PTPRH: variants seen among roughly 807,000 people sequenced by gnomAD.
The protein encoded by PTPRH is receptor-type tyrosine-protein phosphatase H.
Under a neutral mutation model 130.2 loss-of-function variants are expected in PTPRH, and 113 were observed. The ratio of observed to expected loss-of-function variants is 0.87; its 90% CI spans 0.75 to 1.01. PTPRH has a LOEUF of 1.01. PTPRH is among the 50% of genes least tolerant of loss of function. The pLI is 0.00. For missense variants in PTPRH, 1,430 were observed against 1,425.0 expected (o/e 1.00, Z -0.06); for synonymous variants, 556 against 577.9 (o/e 0.96, Z 0.54).
chr19:55,207,415 G>A (rs1339272498), intron 1 of PTPRH: 1 of 558,480 alleles, frequency 1.8e-6, no homozygotes, highest in Non-Finnish European at 3.2e-6. Flanking sequence ...TAGGGAGCTG[G>A]GGTTGGCTCC....
At position 55,204,011 on chromosome 19, in the gene PTPRH, C is replaced by G. The variant is rs764924895; in HGVS notation, c.657G>C (p.Gln219His). ...AGCTCAGGGAGATGGAGCTGGTGGT[C>G]TGAGCCTCCACTCTCAGGTTCCTCA... ...NPVRNLRVEAQTTSSISLSWE... is the reference protein window; with the variant it reads ...NPVRNLRVEAHTTSSISLSWE... Residue 219 changes from glutamine (Q) to histidine (H), a missense_variant, in exon 5 of 20, where the codon CAG (glutamine) becomes CAC (histidine). Coordinates refer to ENST00000376350, the MANE Select transcript of PTPRH (RefSeq NM_002842.5). The G allele has an allele frequency of 6.2e-7, 1 of 1,614,004 alleles. No homozygotes were observed. The highest frequency in any genetic ancestry group is 1.7e-5 in the Admixed American group (1 of 59,998).
chr19:55,196,043 A>T (rs1171811073), intron 10 of PTPRH, among the ~76,000 whole-genome samples: 1 of 152,064 alleles, frequency 6.6e-6, no homozygotes, highest in Non-Finnish European at 1.5e-5. Flanking sequence ...GATAGTGATG[A>T]TGGTTGCACA....
chr19:55,186,872 C>T (rs951599200), intron 14 of PTPRH, among the ~76,000 whole-genome samples: 14 of 151,914 alleles, frequency 9.2e-5, no homozygotes, highest in African/African-American at 2.9e-4. Context: ...TGGTGAAACC[C>T]GGTCGCCATT....
intron 14 of PTPRH, 78 bp downstream of exon 14, chr19:55,187,435 C>T (rs1407917812): frequency 2.0e-5 from 21 of 1,076,744 alleles, no homozygotes; most frequent in South Asian, 1.1e-4. Context: ...TTTCTCAAAG[C>T]GGGTAGGAGA....
At position 55,198,835 on chromosome 19, in the gene PTPRH, C is replaced by T. The variant is rs762250943; in HGVS notation, c.1498G>A (p.Gly500Ser). Residue 500 changes from glycine to serine, a missense_variant, in exon 8 of 20, where the codon GGC becomes AGC. Coordinates refer to ENST00000376350, the MANE Select transcript of PTPRH (RefSeq NM_002842.5). ...TIALRWTAPQGPGQSSYSYWV... is the reference protein window; with the variant it reads ...TIALRWTAPQSPGQSSYSYWV... The stretch of plus-strand genomic sequence containing the variant: ...TAGCTGTAGGAAGACTGGCCTGGGC[C>T]CTGGGGAGCTGTCCAGCGCAAAGCA... 45 of 1,601,962 alleles carry T rather than the reference C, an allele frequency of 2.8e-5. No homozygotes were observed. The South Asian group carries it at 4.8e-4, about 17-fold the overall frequency.
chr19:55,202,638 C>T (rs1800910929), intron 5 of PTPRH, among the ~76,000 whole-genome samples: 1 of 151,778 alleles, frequency 6.6e-6, no homozygotes, highest in African/African-American at 2.4e-5. Context: ...CATATATATA[C>T]ACACACATAT....
At chr19:55,201,277 T>A (rs1480568448) in intron 6 of PTPRH, among the ~76,000 whole-genome samples, 1 of 152,080 alleles carries the variant, frequency 6.6e-6, no homozygotes, top group Non-Finnish European at 1.5e-5. Context: ...CTTGGGAGGC[T>A]GAGGTCGGCG....
chr19:55,199,919 G>A (rs1266932732), intron 7 of PTPRH, among the ~76,000 whole-genome samples: 1 of 147,840 alleles, frequency 6.8e-6, no homozygotes, highest in Non-Finnish European at 1.5e-5. Flanking sequence ...AAGAAAGAAA[G>A]GAAAGAGAGA....
rs767066096 is a variant in PTPRH at position 55,200,247 on chromosome 19, C to T, written c.1409G>A (p.Ser470Asn). Residue 470 changes from serine to asparagine, a missense_variant, in exon 7 of 20, where the codon AGC becomes AAC. Coordinates refer to ENST00000376350, the MANE Select transcript of PTPRH (RefSeq NM_002842.5). ...TTGAGGGTTCCTACCTGTGGAGATG[C>T]TGACATTCTGCCTGGAGCCACGTGC... ...NGARGSRQNV[S>N]ISTVPNAVTS... 6 of 1,614,110 alleles carry T rather than the reference C, an allele frequency of 3.7e-6. No homozygotes were observed. Among genetic ancestry groups the T allele is most frequent in the South Asian group, 1.1e-5 (1 of 91,096 alleles).
intron 14 of PTPRH, among the ~76,000 whole-genome samples, chr19:55,187,299 C>T (rs1385889293): frequency 2.7e-4 from 32 of 119,206 alleles, no homozygotes; most frequent in South Asian, 2.6e-3. Flanking sequence ...GAGCCGAGAT[C>T]GCGCCACTGC....
Position 55,197,326 on chromosome 19 carries a change from TGA to T in PTPRH, c.1779_1780del (p.Gln594ValfsTer33). 6.2e-7 allele frequency: 1 copy of T among 1,614,240 alleles called. No homozygotes were observed. Among genetic ancestry groups the T allele is most frequent in the Non-Finnish European group, 8.5e-7 (1 of 1,180,034 alleles). ...CCACTGGACCCAGTATACGTACAACTGAGAGTGGGGGTCTCCAGGGGCCTTCC... is the reference window on the plus strand; with the variant it reads ...CCACTGGACCCAGTATACGTACAACTGAGTGGGGGTCTCCAGGGGCCTTCC... On this transcript the variant is annotated frameshift_variant, in exon 9 of 20. Transcript: ENST00000376350. LOFTEE classifies it high-confidence loss of function.
At chr19:55,202,537 C>A (rs1027104210) in intron 5 of PTPRH, among the ~76,000 whole-genome samples, 2 of 151,940 alleles carry the variant, frequency 1.3e-5, no homozygotes, top group African/African-American at 4.8e-5. Flanking sequence ...CACCGGCTTT[C>A]GAAGAGTTCG....
intron 3 of PTPRH, among the ~76,000 whole-genome samples, chr19:55,206,365 C>T (rs1225659117): frequency 2.0e-5 from 3 of 150,488 alleles, no homozygotes; most frequent in Non-Finnish European, 3.0e-5. Flanking sequence ...TCTCTGTTGC[C>T]CAGGCTGGAG....
At chr19:55,186,859 A>G (rs1447126725) in intron 14 of PTPRH, among the ~76,000 whole-genome samples, 1 of 152,036 alleles carries the variant, frequency 6.6e-6, no homozygotes, top group East Asian at 1.9e-4. Flanking sequence ...AGCCTGGCCA[A>G]CATGGTGAAA....
chr19:55,187,172 T>C (rs192446561), intron 14 of PTPRH, among the ~76,000 whole-genome samples: 2,834 of 148,620 alleles, frequency 0.019, 54 homozygotes, highest in African/African-American at 0.047. Flanking sequence ...GGTGAAACCC[T>C]GTCTCTACCA....
chr19:55,202,755 T>A (rs952746593), intron 5 of PTPRH, among the ~76,000 whole-genome samples: 2 of 152,216 alleles, frequency 1.3e-5, no homozygotes, highest in African/African-American at 4.8e-5. Flanking sequence ...ATATTTTGTA[T>A]CTGCCAGGCG....
chr19:55,197,869 G>A (rs1349256894), intron 8 of PTPRH, among the ~76,000 whole-genome samples: 1 of 152,150 alleles, frequency 6.6e-6, no homozygotes, highest in Non-Finnish European at 1.5e-5. Flanking sequence ...CGTTTGTAGA[G>A]GGAGCTGATA....
intron 10 of PTPRH, chr19:55,193,943 G>A (rs1600025400): frequency 6.6e-6 from 2 of 302,070 alleles, no homozygotes; most frequent in East Asian, 2.3e-4. Context: ...CCGCCTCCTG[G>A]GTTCTAGTGA....
At chr19:55,204,655 G>A (rs1039247538) in intron 4 of PTPRH, among the ~76,000 whole-genome samples, 1 of 151,596 alleles carries the variant, frequency 6.6e-6, no homozygotes, top group African/African-American at 2.4e-5. Flanking sequence ...CAGAGACCCG[G>A]ATGCTGCCCA....
Sources: allele counts gnomAD v4.1 joint callset (sites outside exome capture counted in the v4.1 genomes callset), GRCh38; gene constraint gnomAD v4.1.1; transcripts MANE v1.5; gene names NCBI Gene and HGNC (gene_info 2026-07-23, HGNC 2026-07-21).